The following FBN1 variants were observed in gnomAD, a reference collection of about 807,000 sequenced individuals.
The protein encoded by FBN1 is fibrillin 1.
In FBN1, 29 loss-of-function variants were observed where a neutral mutation model predicts 365.1. The ratio of observed to expected loss-of-function variants is 0.08; its 90% CI spans 0.06 to 0.11. The LOEUF (loss-of-function observed/expected upper bound fraction) is 0.11, where lower values mean the gene tolerates loss of function less well. Ranked by LOEUF, FBN1 falls within the 10% of genes least tolerant of loss-of-function variation. FBN1 has a pLI of 1.00. For missense variants in FBN1, 2,476 were observed against 3,703.2 expected, an observed-to-expected ratio of 0.67 and a Z score of 8.60; for synonymous variants, 1,210 against 1,270.5, an observed-to-expected ratio of 0.95 and a Z score of 1.01.
intron 9 of FBN1, among the ~76,000 whole-genome samples, chr15:48,523,218 C>T (rs2043875708): frequency 1.3e-5 from 2 of 152,222 alleles, no homozygotes; most frequent in South Asian, 2.1e-4. Context: ...AAACACTTGA[C>T]CAAATTATGG....
rs748372825 is a variant in FBN1 at position 48,537,642 on chromosome 15, G to A, written c.705C>T (p.Phe235=). 6.2e-7 allele frequency: 1 copy of A among 1,614,234 alleles called. No homozygotes were observed. Among genetic ancestry groups the A allele is most frequent in the Non-Finnish European group, 8.5e-7 (1 of 1,180,040 alleles). The change falls in exon 7 of 66, where the codon TTC becomes TTT. Residue 235 remains phenylalanine, a synonymous_variant. Transcript: ENST00000316623. The part of the protein sequence containing the change: ...PAQPHPCRRG[F]IPNIRTGACQ... ...AAGCTCCCGTGCGGATATTTGGAAT[G>A]AAGCCACGGCGGCAGGGGTGAGGCT...
intron 5 of FBN1, among the ~76,000 whole-genome samples, 172 bp downstream of exon 5, chr15:48,599,967 T>G (rs1357187115): frequency 1.3e-5 from 2 of 152,138 alleles, no homozygotes; most frequent in African/African-American, 4.8e-5. Context: ...AATTGGAAAT[T>G]TGGTGTTAAG....
intron 15 of FBN1, among the ~76,000 whole-genome samples, chr15:48,507,150 A>G (rs1431955648): frequency 1.3e-5 from 2 of 152,224 alleles, no homozygotes; most frequent in Non-Finnish European, 2.9e-5. Flanking sequence ...GCCTAGAGGC[A>G]TGAAGAGTGA....
At chr15:48,528,844 C>T (rs2043940908) in intron 8 of FBN1, 1 of 152,180 alleles carries the variant, frequency 6.6e-6, no homozygotes, top group Non-Finnish European at 1.5e-5. Flanking sequence ...CTTTCCTAAA[C>T]CACCTTGTTT....
intron 6 of FBN1, among the ~76,000 whole-genome samples, chr15:48,582,832 G>A (rs1020461020): frequency 6.6e-6 from 1 of 152,146 alleles, no homozygotes; most frequent in Non-Finnish European, 1.5e-5. Flanking sequence ...TAGAGGAAAA[G>A]CAATCTAAGC....
chr15:48,428,280 G>A, intron 57 of FBN1, 66 bp downstream of exon 57: 1 of 1,573,080 alleles, frequency 6.4e-7, no homozygotes, highest in Non-Finnish European at 8.7e-7. Context: ...TAAATAAGAA[G>A]TCTGGGTTTC....
At chr15:48,549,683 G>A (rs1037470243) in intron 6 of FBN1, among the ~76,000 whole-genome samples, 1 of 151,996 alleles carries the variant, frequency 6.6e-6, no homozygotes, top group African/African-American at 2.4e-5. Flanking sequence ...CCATGGCTCA[G>A]AAAAGGTAAT....
intron 45 of FBN1, among the ~76,000 whole-genome samples, chr15:48,451,236 T>C (rs2141254510): frequency 6.6e-6 from 1 of 152,346 alleles, no homozygotes; most frequent in Middle Eastern, 3.4e-3. Context: ...TCAGCAATTC[T>C]TTATTTTGAC....
At position 48,447,027 on chromosome 15, in the gene FBN1, T is replaced by C. The variant is rs2303501; in HGVS notation, c.5672-205A>G. 0.022 allele frequency among the ~76,000 whole-genome samples: 3,324 copies of C among 152,246 alleles called. 67 individuals carry two copies. The highest frequency in any genetic ancestry group is 0.083 in the East Asian group (429 of 5,178). ...CTCTAAATCTTGGGAATAAATGGTT[T>C]CCTTGGCTGGCCAGTGAAAGGAGGC... On this transcript the variant is annotated intron_variant, in intron 46 of 65. Transcript: ENST00000316623.
chr15:48,534,295 T>C lies in FBN1; in HGVS notation c.737-90A>G. ...ATGTGATAATTTGTCCACAATTATG[T>C]TACCATATTTATATCGGTGAGTTAT... On this transcript the variant is annotated intron_variant, in intron 7 of 65. Coordinates refer to ENST00000316623, the MANE Select transcript of FBN1 (RefSeq NM_000138.5). 16 of 1,333,942 alleles carry C rather than the reference T, an allele frequency of 1.2e-5. No homozygotes were observed. In the South Asian group the frequency reaches 2.0e-4, roughly 17 times the overall value. 82.6% of individuals were successfully genotyped at this position (1,333,942 alleles called of 1,614,324 possible).
At chr15:48,483,319 G>A (rs2043480860) in intron 31 of FBN1, among the ~76,000 whole-genome samples, 1 of 152,200 alleles carries the variant, frequency 6.6e-6, no homozygotes, top group Admixed American at 6.5e-5. Flanking sequence ...ACTTTTAGAG[G>A]TGAAAACTAC....
At chr15:48,588,715 C>T (rs1184264015) in intron 6 of FBN1, among the ~76,000 whole-genome samples, 1 of 152,284 alleles carries the variant, frequency 6.6e-6, no homozygotes, top group African/African-American at 2.4e-5. Flanking sequence ...AACCTTTATG[C>T]ATATCAAGAG....
At chr15:48,557,011 T>A (rs1020995304) in intron 6 of FBN1, among the ~76,000 whole-genome samples, 4 of 152,310 alleles carry the variant, frequency 2.6e-5, no homozygotes, top group African/African-American at 9.6e-5. Flanking sequence ...TGTAGTGAAC[T>A]GTGCAGGTGA....
In FBN1 at chr15:48,542,066, G is replaced by A. The variant is rs139281105; in HGVS notation, c.539-4258C>T. On this transcript the variant is annotated intron_variant, in intron 6 of 65. Transcript: ENST00000316623. Reference sequence around the variant, plus strand: ...AGCTCAAGGATTGCTCTCCAGTCCCGTTAGATTTGGCCTCAAGGCTTGGGC... The same window carrying A: ...AGCTCAAGGATTGCTCTCCAGTCCCATTAGATTTGGCCTCAAGGCTTGGGC... 2.2e-3 allele frequency among the ~76,000 whole-genome samples: 328 copies of A among 152,206 alleles called. 5 individuals are homozygous for A. The highest frequency in any genetic ancestry group is 7.6e-3 in the African/African-American group (316 of 41,550).
chr15:48,489,186 C>T (rs12909238), intron 25 of FBN1, among the ~76,000 whole-genome samples: 23,786 of 148,384 alleles, frequency 0.16, 2,058 homozygotes, highest in East Asian at 0.35. Context: ...AGGTGTGCAC[C>T]ACCATGCCTA....
chr15:48,563,436 GA>G (rs35218025), intron 6 of FBN1, among the ~76,000 whole-genome samples: 4 of 151,852 alleles, frequency 2.6e-5, no homozygotes, highest in Middle Eastern at 3.4e-3. Flanking sequence ...AGGGAGGAGG[GA>G]AAAAAACCCT....
chr15:48,565,714 G>A (rs1408865676), intron 6 of FBN1, among the ~76,000 whole-genome samples: 1 of 151,862 alleles, frequency 6.6e-6, no homozygotes, highest in African/African-American at 2.4e-5. Flanking sequence ...TCAAATGTCT[G>A]TACCCAGGGA....
At chr15:48,428,204 A>G in intron 57 of FBN1, 142 bp downstream of exon 57, 5 of 1,068,640 alleles carry the variant, frequency 4.7e-6, no homozygotes, top group Non-Finnish European at 7.0e-6. Context: ...AATCACAGTC[A>G]TTACGGCATC....
chr15:48,476,614 T>TTTC (rs1555397839), intron 32 of FBN1: 1 of 143,510 alleles, frequency 7.0e-6, no homozygotes, highest in Non-Finnish European at 1.5e-5. Context: ...TCTTTTCTTT[T>TTTC]TTTTTTTTTT....
Sources: gnomAD v4.1 joint callset for allele counts (sites outside exome capture counted in the v4.1 genomes callset) on GRCh38, gnomAD v4.1.1 for gene constraint, MANE v1.5 for transcripts, NCBI Gene and HGNC (gene_info 2026-07-23, HGNC 2026-07-21) for gene names.